The following HIKESHI variants were observed in gnomAD, a reference collection of about 807,000 sequenced individuals.
HIKESHI encodes heat shock protein nuclear import factor hikeshi.
HIKESHI carries 13 observed loss-of-function variants against 25.7 expected under a neutral mutation model. That is an observed-to-expected ratio of 0.51 (90% CI 0.33 to 0.80). The LOEUF (loss-of-function observed/expected upper bound fraction) is 0.80, where lower values mean the gene tolerates loss of function less well. Among genes scored for constraint, HIKESHI ranks in the 30% least tolerant of loss-of-function variants. HIKESHI has a pLI of 0.02. For synonymous variants in HIKESHI, 76 were observed against 78.7 expected (o/e 0.97, Z 0.18); for missense variants, 174 against 229.5 (o/e 0.76, Z 1.56).
chr11:86,325,856 A>G lies in HIKESHI; in HGVS notation c.269-11523A>G, dbSNP rs534714464. Among the ~76,000 whole-genome samples the G allele has an allele frequency of 9.6e-4, 137 of 142,870 alleles. 1 individual carries two copies. Among genetic ancestry groups the G allele is most frequent in the Non-Finnish European group, 1.4e-3 (96 of 66,456 alleles). 93.7% of individuals were successfully genotyped at this position (142,870 alleles called of 152,430 possible). A position where few individuals can be genotyped will look rare whatever the true frequency, so the allele number is the denominator to read the frequency against. On this transcript the variant is annotated intron_variant, in intron 2 of 4. Coordinates refer to ENST00000278483, the MANE Select transcript of HIKESHI (RefSeq NM_016401.4). ...CACTGCACTCCAGCCTGGGCAACAG[A>G]CCGAGACTCCGTCTCAGAAAAAAAA...
At chr11:86,342,745 T>C (rs1194521523) in intron 3 of HIKESHI, among the ~76,000 whole-genome samples, 1 of 150,154 alleles carries the variant, frequency 6.7e-6, no homozygotes, top group African/African-American at 2.5e-5. Flanking sequence ...TTACCATGAG[T>C]AATAGCATCT....
At chr11:86,307,835 A>T (rs1371234967) in intron 2 of HIKESHI, among the ~76,000 whole-genome samples, 1 of 119,436 alleles carries the variant, frequency 8.4e-6, no homozygotes, top group Non-Finnish European at 1.6e-5. Context: ...TATACATTAT[A>T]TAAATATATA....
At chr11:86,315,088 G>T (rs923583407) in intron 2 of HIKESHI, among the ~76,000 whole-genome samples, 16 of 151,986 alleles carry the variant, frequency 1.1e-4, no homozygotes, top group African/African-American at 3.9e-4. Flanking sequence ...TTTATTCTTC[G>T]CTTTGGTTGT....
intron 4 of HIKESHI, 188 bp from the exon 5 acceptor site, chr11:86,345,396 C>T (rs182803417): frequency 1.1e-4 from 50 of 473,888 alleles, no homozygotes; most frequent in East Asian, 3.4e-4. Context: ...AAAACTGCCC[C>T]GATATTTAAA....
intron 2 of HIKESHI, among the ~76,000 whole-genome samples, chr11:86,322,812 C>T (rs1159021327): frequency 6.6e-6 from 1 of 151,948 alleles, no homozygotes; most frequent in South Asian, 2.1e-4. Context: ...TTTTTTTTGG[C>T]AAATGGATAT....
At chr11:86,334,000 T>C (rs1947483890) in intron 2 of HIKESHI, among the ~76,000 whole-genome samples, 1 of 152,150 alleles carries the variant, frequency 6.6e-6, no homozygotes, top group Non-Finnish European at 1.5e-5. Flanking sequence ...TTAATAGATA[T>C]CTGACTTATG....
At chr11:86,307,200 ACAT>A (rs1946654604) in intron 2 of HIKESHI, among the ~76,000 whole-genome samples, 2 of 76,260 alleles carry the variant, frequency 2.6e-5, no homozygotes, top group Admixed American at 1.9e-4. Context: ...TGTGTAATAT[ACAT>A]CATATATCAA....
At chr11:86,319,242 A>ATATATATATATATATATATATT (rs1383589741) in intron 2 of HIKESHI, among the ~76,000 whole-genome samples, 1 of 94,950 alleles carries the variant, frequency 1.1e-5, no homozygotes, top group African/African-American at 4.6e-5. Flanking sequence ...ATATATATAT[A>ATATATATATATATATATATATT]TTTTTTTTTT....
At chr11:86,328,889 C>T (rs1565735767) in intron 2 of HIKESHI, among the ~76,000 whole-genome samples, 1 of 145,446 alleles carries the variant, frequency 6.9e-6, no homozygotes, top group Non-Finnish European at 1.5e-5. Context: ...ACATTTCTTT[C>T]CATTGTGTTT....
intron 2 of HIKESHI, among the ~76,000 whole-genome samples, chr11:86,312,202 T>C (rs1378644276): frequency 6.6e-6 from 1 of 152,230 alleles, no homozygotes; most frequent in East Asian, 1.9e-4. Flanking sequence ...TCTAAGTCTC[T>C]TTGTAGGTCT....
chr11:86,336,986 C>T (rs1228170775), intron 2 of HIKESHI, among the ~76,000 whole-genome samples: 6 of 150,604 alleles, frequency 4.0e-5, no homozygotes, highest in South Asian at 2.1e-4. Context: ...CTCAGCAAAA[C>T]TGTCTTTAGA....
intron 2 of HIKESHI, among the ~76,000 whole-genome samples, chr11:86,320,829 A>C (rs538790030): frequency 2.6e-5 from 4 of 152,172 alleles, no homozygotes; most frequent in Non-Finnish European, 5.9e-5. Flanking sequence ...TTTTATATAG[A>C]TGAAGTCATA....
chr11:86,326,346 C>T (rs1469508571), intron 2 of HIKESHI, among the ~76,000 whole-genome samples: 1 of 152,048 alleles, frequency 6.6e-6, no homozygotes, highest in Non-Finnish European at 1.5e-5. Flanking sequence ...TGGGAACCTG[C>T]AGGTACTATA....
intron 2 of HIKESHI, among the ~76,000 whole-genome samples, chr11:86,324,616 T>C (rs1947229828): frequency 6.6e-6 from 1 of 152,162 alleles, no homozygotes; most frequent in African/African-American, 2.4e-5. Context: ...GTATTCATAG[T>C]AGGAAATGGT....
Position 86,319,546 on chromosome 11 carries a change from A to T in HIKESHI, c.268+13064A>T, listed in dbSNP as rs291213. 1.1e-4 allele frequency among the ~76,000 whole-genome samples: 16 copies of T among 151,726 alleles called. No individual in the cohort carries two copies. In the South Asian group the frequency reaches 2.7e-3, roughly 26 times the overall value. ...TGCTAGGATTACAGGCCTGAGTTAT[A>T]GCACCCAGCCCCAAAATGATTTTTT... is the stretch of plus-strand genomic sequence containing the variant. On this transcript the variant is annotated intron_variant, in intron 2 of 4. Coordinates refer to ENST00000278483, the MANE Select transcript of HIKESHI (RefSeq NM_016401.4).
intron 1 of HIKESHI, among the ~76,000 whole-genome samples, chr11:86,305,624 G>A (rs1029887258): frequency 6.6e-6 from 1 of 150,380 alleles, no homozygotes; most frequent in Non-Finnish European, 1.5e-5. Flanking sequence ...GACGTCGTGT[G>A]ATCCTGGCCT....
chr11:86,306,531 T>C, intron 2 of HIKESHI, 49 bp downstream of exon 2: 2 of 1,122,964 alleles, frequency 1.8e-6, no homozygotes, highest in Non-Finnish European at 2.6e-6. Flanking sequence ...AACTTTTTTC[T>C]TAAATAGCAT....
intron 2 of HIKESHI, among the ~76,000 whole-genome samples, chr11:86,333,972 C>T (rs1947483316): frequency 6.6e-6 from 1 of 152,076 alleles, no homozygotes; most frequent in African/African-American, 2.4e-5. Flanking sequence ...CAAGATACAA[C>T]CATAAGCTAT....
At chr11:86,305,122 C>T (rs1946589146) in intron 1 of HIKESHI, among the ~76,000 whole-genome samples, 2 of 152,166 alleles carry the variant, frequency 1.3e-5, no homozygotes, top group Non-Finnish European at 2.9e-5. Context: ...GTCTTAGCCT[C>T]CCGAGTAGCT....
Sources: gnomAD v4.1 joint callset for allele counts (sites outside exome capture counted in the v4.1 genomes callset) on GRCh38, gnomAD v4.1.1 for gene constraint, MANE v1.5 for transcripts, NCBI Gene and HGNC (gene_info 2026-07-23, HGNC 2026-07-21) for gene names.